Variants in ITGA6 observed in about 807,000 individuals in gnomAD.
ITGA6 encodes the protein integrin alpha-6.
Under a neutral mutation model 133.6 loss-of-function variants are expected in ITGA6, and 63 were observed. The observed-to-expected ratio is 0.47, with a 90% confidence interval of 0.38 to 0.58. ITGA6 has a LOEUF of 0.58. Ranked by LOEUF, ITGA6 falls within the 20% of genes least tolerant of loss-of-function variation. The pLI is 0.00. For synonymous variants in ITGA6, 434 were observed against 482.0 expected (o/e 0.90, Z 1.30); for missense variants, 1,068 against 1,309.4 (o/e 0.82, Z 2.85).
intron 1 of ITGA6, among the ~76,000 whole-genome samples, chr2:172,462,204 C>T (rs1257303687): frequency 1.3e-5 from 2 of 152,170 alleles, no homozygotes; most frequent in African/African-American, 4.8e-5. Context: ...AGACCGGGCG[C>T]AACTGGAGCA....
intron 1 of ITGA6, among the ~76,000 whole-genome samples, chr2:172,464,955 A>C (rs1685584833): frequency 6.6e-6 from 1 of 150,436 alleles, no homozygotes; most frequent in African/African-American, 2.4e-5. Context: ...AAAAAAAAAA[A>C]AGAATTGGAA....
In ITGA6 at chr2:172,427,899, T is replaced by C. The variant is rs752456003; in HGVS notation, c.111T>C (p.Tyr37=). The C allele has an allele frequency of 3.7e-6, 6 of 1,607,486 alleles. No homozygotes were observed. The highest frequency in any genetic ancestry group is 4.5e-5 in the East Asian group (2 of 44,320). ...GGGAGGACAACGTGATCCGGAAATATGGAGACCCCGGGAGCCTCTTCGGCT... is the reference window on the plus strand; with the variant it reads ...GGGAGGACAACGTGATCCGGAAATACGGAGACCCCGGGAGCCTCTTCGGCT... ...DTREDNVIRK[Y]GDPGSLFGFS... The change falls in exon 1 of 26, where the codon TAT becomes TAC. Residue 37 remains tyrosine (Y), a synonymous_variant. Transcript: ENST00000684293.
intron 9 of ITGA6, among the ~76,000 whole-genome samples, chr2:172,477,384 C>A (rs942759259): frequency 3.9e-5 from 6 of 152,020 alleles, no homozygotes; most frequent in East Asian, 1.9e-4. Flanking sequence ...CAAAAAGTAG[C>A]AGATTTATTT....
chr2:172,449,260 T>C (rs960498478), intron 1 of ITGA6, among the ~76,000 whole-genome samples: 1 of 152,230 alleles, frequency 6.6e-6, no homozygotes, highest in African/African-American at 2.4e-5. Context: ...TACCCCCCAA[T>C]TGCTGAGATA....
chr2:172,483,194 G>C (rs7603135), intron 11 of ITGA6, among the ~76,000 whole-genome samples: 4,565 of 152,216 alleles, frequency 0.03, 230 homozygotes, highest in African/African-American at 0.1. Flanking sequence ...AACACTGCTG[G>C]GAGGTGGAAG....
At chr2:172,503,515 T>C (rs371693186) in intron 25 of ITGA6, 1 of 152,158 alleles carries the variant, frequency 6.6e-6, no homozygotes, top group South Asian at 2.1e-4. Flanking sequence ...AGAAGCACAA[T>C]AGCAAATCCA....
At chr2:172,455,166 G>A (rs935423582) in intron 1 of ITGA6, among the ~76,000 whole-genome samples, 8 of 152,124 alleles carry the variant, frequency 5.3e-5, no homozygotes, top group African/African-American at 1.2e-4. Context: ...CTAAGTTTGC[G>A]GCCATTTGTT....
At chr2:172,455,616 A>G (rs1299375044) in intron 1 of ITGA6, among the ~76,000 whole-genome samples, 2 of 152,176 alleles carry the variant, frequency 1.3e-5, no homozygotes, top group Non-Finnish European at 2.9e-5. Flanking sequence ...GAAAACATAT[A>G]TATACTGAAA....
Position 172,505,866 on chromosome 2 carries a change from A to G in ITGA6, c.*1798A>G, listed in dbSNP as rs1448903363. On this transcript the variant is annotated 3_prime_UTR_variant, in exon 26 of 26. Transcript: ENST00000684293. ...AGGTTATAACAGTGTTTAAAGTCTCAGTTTCTTGCTTGGGGAACTTGTGTC... is the reference window on the plus strand; with the variant it reads ...AGGTTATAACAGTGTTTAAAGTCTCGGTTTCTTGCTTGGGGAACTTGTGTC... 1 of 152,584 alleles carries G rather than the reference A, an allele frequency of 6.6e-6. No individual in the cohort carries two copies. Among genetic ancestry groups the G allele is most frequent in the Non-Finnish European group, 1.5e-5 (1 of 68,018 alleles). 9.5% of individuals were successfully genotyped at this position (152,584 alleles called of 1,614,324 possible). A position where few individuals can be genotyped will look rare whatever the true frequency, so the allele number is the denominator to read the frequency against.
At position 172,467,589 on chromosome 2, in the gene ITGA6, T is replaced by C. The variant is rs187058913; in HGVS notation, c.387+29T>C. The C allele has an allele frequency of 6.4e-6, 10 of 1,554,824 alleles. No individual in the cohort carries two copies. In the Admixed American group the frequency reaches 1.7e-4, roughly 26 times the overall value. ...AGTGTAGAGACACATGTTCATCCTA[T>C]ACTGTTGGACTGCTGGTTATGTGCC... On this transcript the variant is annotated intron_variant, in intron 3 of 25. Transcript: ENST00000684293.
chr2:172,474,902 G>T, intron 6 of ITGA6, 27 bp from the exon 7 acceptor site: 1 of 1,190,060 alleles, frequency 8.4e-7, no homozygotes, highest in South Asian at 1.2e-5. Context: ...GTTGGTTCAC[G>T]GCTCTTTCCC....
chr2:172,457,162 C>T (rs1171372341), intron 1 of ITGA6, among the ~76,000 whole-genome samples: 10 of 151,798 alleles, frequency 6.6e-5, no homozygotes, highest in East Asian at 1.9e-4. Flanking sequence ...GGCTTGGTGG[C>T]GGGCACCTGT....
chr2:172,474,115 G>T lies in ITGA6; in HGVS notation c.836G>T (p.Gly279Val). 6.2e-7 allele frequency: 1 copy of T among 1,613,958 alleles called. No individual in the cohort carries two copies. The highest frequency in any genetic ancestry group is 8.5e-7 in the Non-Finnish European group (1 of 1,180,014). ...AAAGATGAGATCACTTTTGTATCTG[G>T]TGCTCCCAGAGCCAATCACAGTGGA... ...VSKDEITFVS[G>V]APRANHSGAV... Residue 279 changes from glycine (G) to valine (V), a missense_variant, in exon 6 of 26, where the codon GGT becomes GTT. Around this residue, in one of 3 missense-constraint regions of ITGA6, gnomAD observed 317 missense variants for 456.9 expected, o/e 0.69. Transcript: ENST00000684293.
chr2:172,502,486 G>A (rs143516359), intron 25 of ITGA6, among the ~76,000 whole-genome samples: 1 of 152,260 alleles, frequency 6.6e-6, no homozygotes, highest in African/African-American at 2.4e-5. Context: ...AGCTAAGCAT[G>A]CAACTTCCAT....
chr2:172,494,926 A>G (rs1687069070), intron 23 of ITGA6, among the ~76,000 whole-genome samples: 1 of 152,208 alleles, frequency 6.6e-6, no homozygotes, highest in African/African-American at 2.4e-5. Flanking sequence ...GGGGAATAAG[A>G]TTTTCCCTTT....
intron 1 of ITGA6, among the ~76,000 whole-genome samples, chr2:172,441,564 A>T (rs1212756188): frequency 1.7e-5 from 1 of 60,354 alleles, no homozygotes; most frequent in Non-Finnish European, 2.7e-5. Context: ...CTCTTTAAAA[A>T]AAAAAAAAAA....
chr2:172,471,657 G>C (rs1217878570), intron 5 of ITGA6, among the ~76,000 whole-genome samples: 1 of 152,174 alleles, frequency 6.6e-6, no homozygotes, highest in African/African-American at 2.4e-5. Flanking sequence ...AGCGGAGGTT[G>C]AGCAGGACTG....
rs1355430265 is a variant in ITGA6 at position 172,486,106 on chromosome 2, G to T, written c.1854+842G>T. 3.4e-5 allele frequency among the ~76,000 whole-genome samples: 5 copies of T among 148,880 alleles called. 1 individual carries two copies. Among genetic ancestry groups the T allele is most frequent in the African/African-American group, 1.2e-4 (5 of 40,674 alleles). On this transcript the variant is annotated intron_variant, in intron 13 of 25. Coordinates refer to ENST00000684293, the MANE Select transcript of ITGA6 (RefSeq NM_000210.4). The stretch of plus-strand genomic sequence containing the variant: ...CAGGAGAATGCCTTAAACCCGGCAG[G>T]TGGAGTTGCAGTGAGCCGAGATGGC...
chr2:172,452,352 C>T (rs1284621498), intron 1 of ITGA6, among the ~76,000 whole-genome samples: 2 of 152,104 alleles, frequency 1.3e-5, no homozygotes, highest in African/African-American at 4.8e-5. Flanking sequence ...TCAGTGGCAG[C>T]AAGTCTTGTC....
Sources: allele counts gnomAD v4.1 joint callset (sites outside exome capture counted in the v4.1 genomes callset), GRCh38; gene constraint gnomAD v4.1.1; regional missense constraint gnomAD v4.1.1; transcripts MANE v1.5; gene names NCBI Gene and HGNC (gene_info 2026-07-23, HGNC 2026-07-21).